HOOK1: variants seen among roughly 807,000 people sequenced by gnomAD.
HOOK1 encodes the protein hook microtubule tethering protein 1, also known as protein Hook homolog 1.
HOOK1 carries 60 observed loss-of-function variants against 112.8 expected under a neutral mutation model. The observed-to-expected ratio is 0.53, with a 90% CI of 0.43 to 0.66. The LOEUF is 0.66. Among genes scored for constraint, HOOK1 ranks in the 30% least tolerant of loss-of-function variants. HOOK1 has a pLI of 0.00. For missense variants in HOOK1, 770 were observed against 856.0 expected (o/e 0.90, Z 1.25); for synonymous variants, 294 against 283.8 (o/e 1.04, Z -0.36).
chr1:59,872,752 G>C (rs1280992164), intron 21 of HOOK1, 43 bp from the exon 22 acceptor site: 1 of 1,312,762 alleles, frequency 7.6e-7, no homozygotes, highest in South Asian at 2.2e-5. Flanking sequence ...GGCAAACTCT[G>C]TTTAGTCATG....
chr1:59,867,553 C>A (rs1339476657), intron 19 of HOOK1, among the ~76,000 whole-genome samples: 1 of 152,110 alleles, frequency 6.6e-6, no homozygotes, highest in African/African-American at 2.4e-5. Context: ...ATGCAGATGT[C>A]CCTGTTTGAA....
intron 12 of HOOK1, among the ~76,000 whole-genome samples, chr1:59,855,756 C>T (rs2098410112): frequency 6.6e-6 from 1 of 150,418 alleles, no homozygotes; most frequent in Admixed American, 6.7e-5. Context: ...GAAGTCTGCA[C>T]TGAGCCCATC....
chr1:59,826,575 A>G (rs928203362), intron 2 of HOOK1, among the ~76,000 whole-genome samples: 5 of 152,206 alleles, frequency 3.3e-5, no homozygotes, highest in African/African-American at 1.2e-4. Flanking sequence ...AAAACTAGAG[A>G]AAAATACATT....
intron 1 of HOOK1, among the ~76,000 whole-genome samples, chr1:59,815,780 G>A (rs12143214): frequency 0.21 from 32,286 of 151,556 alleles, 3,666 homozygotes; most frequent in Non-Finnish European, 0.25. Context: ...TGTGTTGGGA[G>A]TCGGGGGTCG....
intron 2 of HOOK1, among the ~76,000 whole-genome samples, chr1:59,826,862 A>G (rs2098390334): frequency 1.3e-5 from 2 of 152,200 alleles, no homozygotes; most frequent in Admixed American, 1.3e-4. Flanking sequence ...TCCTGAGTTC[A>G]AGCGATGCTC....
In HOOK1 at chr1:59,872,779, T is replaced by A; in HGVS notation, c.2017-16T>A. On this transcript the variant is annotated splice_polypyrimidine_tract_variant and intron_variant, in intron 21 of 21. Coordinates refer to ENST00000371208, the MANE Select transcript of HOOK1 (RefSeq NM_015888.6). ...TTAGTCATGTTAAATAAAAAATATA[T>A]GTTTTTTTTTTTCAGAGTCTAGCAT... 1 of 1,373,972 alleles carries A rather than the reference T, an allele frequency of 7.3e-7. No individual in the cohort carries two copies. 85.1% of individuals were successfully genotyped at this position (1,373,972 alleles called of 1,614,324 possible). A position where few individuals can be genotyped will look rare whatever the true frequency, so the allele number is the denominator to read the frequency against.
chr1:59,815,634 C>T (rs76808146), intron 1 of HOOK1, among the ~76,000 whole-genome samples: 4,837 of 152,130 alleles, frequency 0.032, 131 homozygotes, highest in Admixed American at 0.087. Flanking sequence ...CTACCTTGCT[C>T]TACCTGGACA....
intron 2 of HOOK1, among the ~76,000 whole-genome samples, chr1:59,827,182 G>C (rs1246458111): frequency 2.6e-5 from 4 of 152,192 alleles, no homozygotes; most frequent in Non-Finnish European, 2.9e-5. Flanking sequence ...AAAGCCATCT[G>C]CTGGCACAAT....
chr1:59,837,479 G>T (rs890798854), intron 7 of HOOK1, among the ~76,000 whole-genome samples: 3 of 152,116 alleles, frequency 2.0e-5, no homozygotes, highest in Admixed American at 2.0e-4. Context: ...AGTGTCGCCA[G>T]TCATCTCAAG....
At chr1:59,865,590 G>A (rs2102071750) in intron 18 of HOOK1, among the ~76,000 whole-genome samples, 1 of 152,060 alleles carries the variant, frequency 6.6e-6, no homozygotes, top group South Asian at 2.1e-4. Flanking sequence ...TTACTGTAAG[G>A]TATATTTGCT....
At chr1:59,858,140 T>C (rs1033186475) in intron 12 of HOOK1, among the ~76,000 whole-genome samples, 1 of 152,238 alleles carries the variant, frequency 6.6e-6, no homozygotes, top group Non-Finnish European at 1.5e-5. Context: ...CCATGGTCTT[T>C]ATGCCTCCAA....
At chr1:59,854,016 ATATATATATATATATATATATATTTTTT>A (rs1559056846) in intron 12 of HOOK1, among the ~76,000 whole-genome samples, 1 of 16,314 alleles carries the variant, frequency 6.1e-5, no homozygotes, top group Non-Finnish European at 1.3e-4. Context: ...ATATATATAT[ATATATATATATATATATATATATTTTTT>A]TTTTTTTTTT....
chr1:59,843,349 T>A, intron 8 of HOOK1, 83 bp from the exon 9 acceptor site: 1 of 944,286 alleles, frequency 1.1e-6, no homozygotes, highest in Non-Finnish European at 1.6e-6. Context: ...AGATCTAGAA[T>A]CCAGAACTCT....
intron 2 of HOOK1, among the ~76,000 whole-genome samples, chr1:59,823,014 A>G (rs535789972): frequency 1.0e-3 from 155 of 152,292 alleles, no homozygotes; most frequent in Middle Eastern, 3.4e-3. Flanking sequence ...ATTCTGTCTT[A>G]AAAATATTTC....
At position 59,872,908 on chromosome 1, in the gene HOOK1, C is replaced by T. The variant is rs891526109; in HGVS notation, c.2130C>T (p.His710=). 3 of 1,524,752 alleles carry T rather than the reference C, an allele frequency of 2.0e-6. No homozygotes were observed. The highest frequency in any genetic ancestry group is 2.0e-5 in the Admixed American group (1 of 49,748). The allele number at this position is 1,524,752 out of a possible 1,614,324, so 94.5% of individuals were successfully genotyped here. ...GGTCTTTCTTAGCGCAGCAACGGCACATCACCAACACCAGAAGAAATCTCT... is the reference window on the plus strand; with the variant it reads ...GGTCTTTCTTAGCGCAGCAACGGCATATCACCAACACCAGAAGAAATCTCT... The part of the protein sequence containing the change: ...PARSFLAQQR[H]ITNTRRNLSV... The change falls in exon 22 of 22, where the codon CAC becomes CAT. Residue 710 remains histidine (H), a synonymous_variant. Transcript: ENST00000371208.
intron 9 of HOOK1, among the ~76,000 whole-genome samples, chr1:59,846,177 A>C (rs1251405077): frequency 6.6e-6 from 1 of 151,820 alleles, no homozygotes; most frequent in African/African-American, 2.4e-5. Context: ...CTTAAAACTC[A>C]GTGTCTATGG....
Position 59,840,340 on chromosome 1 carries a change from A to G in HOOK1, c.570A>G (p.Ala190=), listed in dbSNP as rs1574194623. ...GAGCCTTGGAAGAACTTCAGGAAGC[A>G]CTAGCAGAAAAAGAAGAGCTGAGGC... ...LKRALEELQE[A]LAEKEELRQR... Residue 190 remains alanine (A), a synonymous_variant, in exon 8 of 22, where the codon GCA becomes GCG. Transcript: ENST00000371208. 6.3e-7 allele frequency: 1 copy of G among 1,599,744 alleles called. No homozygotes were observed. The highest frequency in any genetic ancestry group is 2.3e-5 in the East Asian group (1 of 44,306).
chr1:59,845,211 A>G (rs927624973), intron 9 of HOOK1, among the ~76,000 whole-genome samples: 5 of 151,868 alleles, frequency 3.3e-5, no homozygotes, highest in African/African-American at 1.2e-4. Flanking sequence ...TCATAAGAGC[A>G]CTAATCCCAT....
chr1:59,867,771 T>C (rs937011939), intron 19 of HOOK1, among the ~76,000 whole-genome samples: 21 of 152,170 alleles, frequency 1.4e-4, no homozygotes, highest in Admixed American at 1.4e-3. Flanking sequence ...ATCTTATATA[T>C]TGAATTACAC....
Sources: allele counts gnomAD v4.1 joint callset (sites outside exome capture counted in the v4.1 genomes callset), GRCh38; gene constraint gnomAD v4.1.1; transcripts MANE v1.5; gene names NCBI Gene and HGNC (gene_info 2026-07-23, HGNC 2026-07-21).